ZNF324B: variants seen among roughly 807,000 people sequenced by gnomAD.
ZNF324B encodes zinc finger protein 324B.
A neutral mutation model predicts 10.6 loss-of-function variants in ZNF324B; 7 were observed. That is an observed-to-expected ratio of 0.66 (90% confidence interval 0.38 to 1.24). The LOEUF (loss-of-function observed/expected upper bound fraction) is 1.24, where lower values mean the gene tolerates loss of function less well. Among genes scored for constraint, ZNF324B ranks in the 50% most tolerant of loss-of-function variants. The pLI is 0.02. For synonymous variants in ZNF324B, 316 were observed against 321.0 expected (o/e 0.98, Z 0.17); for missense variants, 640 against 764.7 (o/e 0.84, Z 1.92).
the ZNF324B span, chr19:58,435,337 G>C: frequency 9.1e-7 from 1 of 1,097,288 alleles, no homozygotes; most frequent in South Asian, 1.6e-5. Flanking sequence ...AGGCCAACAG[G>C]GCCATCATCA....
At chr19:58,427,434 CCTTCCTT>C in the ZNF324B span, among the ~76,000 whole-genome samples, 3 of 31,328 alleles carry the variant, frequency 9.6e-5, no homozygotes, top group African/African-American at 3.4e-4. Flanking sequence ...TTCCTTCCTT[CCTTCCTT>C]CCTTTCCTTT....
the ZNF324B span, among the ~76,000 whole-genome samples, chr19:58,439,583 C>T: frequency 3.3e-5 from 5 of 152,220 alleles, no homozygotes; most frequent in African/African-American, 4.8e-5. Context: ...GATATAACCC[C>T]TTGCCTGGAT....
the ZNF324B span, chr19:58,441,072 G>A: frequency 6.6e-6 from 1 of 152,572 alleles, no homozygotes; most frequent in South Asian, 2.1e-4. Flanking sequence ...ATCTGCATAT[G>A]CGAAGACTTG....
the ZNF324B span, chr19:58,433,237 T>G: frequency 9.3e-6 from 13 of 1,401,230 alleles, no homozygotes; most frequent in East Asian, 2.5e-4. Context: ...TACATGTAGG[T>G]AATTTTTCTG....
At chr19:58,436,449 G>C in the ZNF324B span, 1 of 156,684 alleles carries the variant, frequency 6.4e-6, no homozygotes, top group African/African-American at 2.4e-5. Context: ...GGTGGATCAC[G>C]AGGTCAGGAG....
the ZNF324B span, among the ~76,000 whole-genome samples, chr19:58,426,764 G>A: frequency 6.7e-6 from 1 of 149,766 alleles, no homozygotes. Flanking sequence ...CAAAGGCCCA[G>A]GGGCAAGGAA....
chr19:58,438,224 G>T, the ZNF324B span, among the ~76,000 whole-genome samples: 11 of 152,294 alleles, frequency 7.2e-5, no homozygotes, highest in South Asian at 1.0e-3. Context: ...CTGCTCAGGA[G>T]GCTCAGCCAC....
chr19:58,434,400 C>G, the ZNF324B span: 1 of 1,614,222 alleles, frequency 6.2e-7, no homozygotes, highest in East Asian at 2.2e-5. Context: ...ATTCATCACA[C>G]TCATAAGGTC....
chr19:58,439,413 A>G, the ZNF324B span, among the ~76,000 whole-genome samples: 1 of 152,176 alleles, frequency 6.6e-6, no homozygotes, highest in East Asian at 1.9e-4. Context: ...AGGCCTAACT[A>G]TTGGTTTCCC....
upstream of ZNF324B, among the ~76,000 whole-genome samples, chr19:58,449,936 T>G (rs1254513947): frequency 6.6e-6 from 1 of 152,098 alleles, no homozygotes; most frequent in Non-Finnish European, 1.5e-5. Context: ...GCACGAGATT[T>G]GGGAGGGGCG....
At chr19:58,433,192 C>G in the ZNF324B span, 1 of 976,858 alleles carries the variant, frequency 1.0e-6, no homozygotes. Flanking sequence ...TGGTCAGAAA[C>G]AGAGTAGCTT....
the ZNF324B span, among the ~76,000 whole-genome samples, chr19:58,424,772 G>T: frequency 2.0e-5 from 3 of 152,088 alleles, no homozygotes; most frequent in East Asian, 1.9e-4. Flanking sequence ...TCCAAGTCCA[G>T]CCTGGGCAAC....
the ZNF324B span, among the ~76,000 whole-genome samples, chr19:58,436,649 C>T: frequency 1.5e-4 from 17 of 115,604 alleles, no homozygotes; most frequent in Non-Finnish European, 3.2e-5. Flanking sequence ...GCCTGGGGGA[C>T]AGAGCAAGAC....
At chr19:58,427,446 T>TTCCTTC in the ZNF324B span, among the ~76,000 whole-genome samples, 10 of 68,064 alleles carry the variant, frequency 1.5e-4, no homozygotes, top group Non-Finnish European at 1.5e-4. Context: ...TTCCTTCCTT[T>TTCCTTC]CCTTTCCCTT....
Position 58,455,429 on chromosome 19 carries a change from T to G in ZNF324B, c.485T>G (p.Leu162Arg), listed in dbSNP as rs771426215. The G allele has an allele frequency of 2.5e-6, 4 of 1,614,162 alleles. No homozygotes were observed. In the Admixed American group the frequency reaches 5.0e-5, roughly 20 times the overall value. ...RSDQASISLR[L>R]TSPLRPPKSS... Reference sequence around the variant, plus strand: ...GACCAGGCCAGCATCAGCCTGCGACTGACCTCCCCACTCAGGCCCCCCAAG... The same window carrying G: ...GACCAGGCCAGCATCAGCCTGCGACGGACCTCCCCACTCAGGCCCCCCAAG... The change falls in exon 4 of 4, where the codon CTG (leucine) becomes CGG (arginine). Residue 162 changes from leucine (L) to arginine (R), a missense_variant. Transcript: ENST00000336614. This position sits in a 1 kb window ranked among gnomAD's most constrained non-coding sequence, Gnocchi z 7.0.
At chr19:58,450,581 A>T (rs549320481), upstream of ZNF324B, among the ~76,000 whole-genome samples, 1 of 152,362 alleles carries the variant, frequency 6.6e-6, no homozygotes, top group East Asian at 1.9e-4. Flanking sequence ...AGCAGGAAAA[A>T]TTTAAATAAA....
rs2122358774 is a variant in ZNF324B, at chr19:58,455,038, C to T, written c.239-145C>T. On this transcript the variant is annotated intron_variant, in intron 3 of 3. Transcript: ENST00000336614. The surrounding 1 kb of genome is among the most constrained non-coding windows in gnomAD (Gnocchi z 7.0). ...GGCAGATGCTTCCTCCAAACCCCAG[C>T]CCCTCCTGCAGAGCCAGCCTCACCT... 9.0e-7 allele frequency: 1 copy of T among 1,112,476 alleles called. No homozygotes were observed. The highest frequency in any genetic ancestry group is 1.6e-5 in the African/African-American group (1 of 63,850). 68.9% of individuals were successfully genotyped at this position (1,112,476 alleles called of 1,614,324 possible).
the ZNF324B span, chr19:58,433,514 G>A: frequency 1.2e-5 from 19 of 1,613,864 alleles, no homozygotes; most frequent in African/African-American, 8.0e-5. Context: ...CTCTGATGAC[G>A]AACCAGGTGG....
At chr19:58,421,989 C>T in the ZNF324B span, among the ~76,000 whole-genome samples, 3 of 152,184 alleles carry the variant, frequency 2.0e-5, no homozygotes, top group Non-Finnish European at 2.9e-5. Context: ...GCAATCTTTT[C>T]TCACTGCAAC....
Sources: allele counts gnomAD v4.1 joint callset (sites outside exome capture counted in the v4.1 genomes callset), GRCh38; gene constraint gnomAD v4.1.1; non-coding constraint Gnocchi (gnomAD v3.1); transcripts MANE v1.5; gene names NCBI Gene and HGNC (gene_info 2026-07-23, HGNC 2026-07-21).